Variants in LRCH1 observed in about 807,000 individuals in gnomAD.
LRCH1 encodes the protein leucine-rich repeat and calponin homology domain-containing protein 1.
LRCH1 carries 23 observed loss-of-function variants against 94.9 expected under a neutral mutation model. That is an observed-to-expected ratio of 0.24 (90% CI 0.17 to 0.34). The LOEUF (loss-of-function observed/expected upper bound fraction) is 0.34, where lower values mean the gene tolerates loss of function less well. Among genes scored for constraint, LRCH1 ranks in the 10% least tolerant of loss-of-function variants. The probability of loss-of-function intolerance (pLI) is 1.00; values close to 1 mark genes in which losing one functional copy is unlikely to be tolerated. For synonymous variants in LRCH1, 364 were observed against 354.9 expected, an observed-to-expected ratio of 1.03 and a Z score of -0.29; for missense variants, 790 against 945.9, an observed-to-expected ratio of 0.84 and a Z score of 2.16.
intron 2 of LRCH1, among the ~76,000 whole-genome samples, chr13:46,662,856 A>C (rs902612445): frequency 6.6e-6 from 1 of 152,176 alleles, no homozygotes; most frequent in Non-Finnish European, 1.5e-5. Context: ...TGTTGCAGAA[A>C]TTTGCCTGAA....
intron 3 of LRCH1, among the ~76,000 whole-genome samples, chr13:46,680,612 A>T (rs2051737771): frequency 6.6e-6 from 1 of 152,238 alleles, no homozygotes; most frequent in South Asian, 2.1e-4. Context: ...AAGGAGCATG[A>T]ACAAGTTTGG....
intron 17 of LRCH1, among the ~76,000 whole-genome samples, chr13:46,725,808 T>C (rs1456794344): frequency 6.6e-6 from 1 of 152,206 alleles, no homozygotes; most frequent in Non-Finnish European, 1.5e-5. Context: ...GCCTGGACTA[T>C]CTGGATGTGA....
In LRCH1 at chr13:46,637,826, G is replaced by A. The variant is rs112364847; in HGVS notation, c.308-12375G>A. ...CACTGGAGGGTGAGTTCTAGAGAGC[G>A]GGATTTCCTTGCCAGCGTTCGCTGG... On this transcript the variant is annotated intron_variant, in intron 1 of 19. Transcript: ENST00000389797. Among the ~76,000 whole-genome samples the A allele has an allele frequency of 2.8e-4, 42 of 152,278 alleles. 1 individual carries two copies. Among genetic ancestry groups the A allele is most frequent in the African/African-American group, 9.1e-4 (38 of 41,564 alleles).
chr13:46,727,301 C>G (rs559318761), intron 17 of LRCH1, among the ~76,000 whole-genome samples: 6 of 152,094 alleles, frequency 3.9e-5, no homozygotes, highest in Non-Finnish European at 8.8e-5. Flanking sequence ...TGGAATGAAA[C>G]TAGAAGAGAG....
intron 11 of LRCH1, among the ~76,000 whole-genome samples, chr13:46,701,443 C>G (rs1047125092): frequency 2.6e-5 from 4 of 151,940 alleles, no homozygotes; most frequent in African/African-American, 9.7e-5. Flanking sequence ...GTTCATTCAC[C>G]CCTCATGAAG....
At chr13:46,670,024 G>A (rs554755912) in intron 3 of LRCH1, among the ~76,000 whole-genome samples, 3 of 152,284 alleles carry the variant, frequency 2.0e-5, no homozygotes, top group Admixed American at 6.5e-5. Flanking sequence ...GGGGCCACCC[G>A]GAGCACCACG....
intron 1 of LRCH1, among the ~76,000 whole-genome samples, chr13:46,648,002 T>G (rs1441004824): frequency 6.6e-6 from 1 of 152,174 alleles, no homozygotes; most frequent in Non-Finnish European, 1.5e-5. Context: ...AGCGCATTAC[T>G]TTATTGTACA....
chr13:46,642,380 C>T (rs1258086603), intron 1 of LRCH1, among the ~76,000 whole-genome samples: 1 of 152,170 alleles, frequency 6.6e-6, no homozygotes, highest in South Asian at 2.1e-4. Context: ...TTGGCTCTGC[C>T]ACTTACTAAC....
chr13:46,566,054 G>C (rs1046103705), intron 1 of LRCH1, among the ~76,000 whole-genome samples: 1 of 151,972 alleles, frequency 6.6e-6, no homozygotes, highest in East Asian at 1.9e-4. Flanking sequence ...GGGCCTCAGA[G>C]GAGGGCCTGG....
chr13:46,659,040 T>C (rs2051411763), intron 2 of LRCH1, among the ~76,000 whole-genome samples: 1 of 152,192 alleles, frequency 6.6e-6, no homozygotes, highest in Non-Finnish European at 1.5e-5. Flanking sequence ...TGTAACACAT[T>C]TTGCATCTGC....
At chr13:46,746,726 C>T (rs766324485), downstream of LRCH1, among the ~76,000 whole-genome samples, 2 of 152,146 alleles carry the variant, frequency 1.3e-5, no homozygotes, top group Non-Finnish European at 2.9e-5. Context: ...CTTAGAGGGC[C>T]CTTCTCTTCT....
At chr13:46,564,670 C>T (rs542806489) in intron 1 of LRCH1, among the ~76,000 whole-genome samples, 23 of 152,366 alleles carry the variant, frequency 1.5e-4, no homozygotes, top group African/African-American at 4.8e-4. Context: ...GGAACTTAGA[C>T]ACTTCTCTAT....
downstream of LRCH1, among the ~76,000 whole-genome samples, chr13:46,748,536 G>A (rs964215304): frequency 6.6e-6 from 1 of 152,140 alleles, no homozygotes; most frequent in African/African-American, 2.4e-5. Context: ...TCACAAGCCC[G>A]TGGCAGATGG....
intron 3 of LRCH1, among the ~76,000 whole-genome samples, chr13:46,670,043 C>T (rs2051577105): frequency 6.6e-6 from 1 of 152,212 alleles, no homozygotes; most frequent in African/African-American, 2.4e-5. Context: ...CGGTGCTGGC[C>T]TGTGAGGCCC....
intron 15 of LRCH1, among the ~76,000 whole-genome samples, chr13:46,713,201 CTG>C (rs1244625803): frequency 2.0e-5 from 3 of 152,294 alleles, no homozygotes; most frequent in African/African-American, 2.4e-5. Context: ...AGAAAGTACT[CTG>C]TATAGAAAAA....
At chr13:46,648,053 TAATTA>T (rs2051245428) in intron 1 of LRCH1, among the ~76,000 whole-genome samples, 1 of 152,114 alleles carries the variant, frequency 6.6e-6, no homozygotes, top group Admixed American at 6.6e-5. Flanking sequence ...TATAATGAAA[TAATTA>T]TATAACTCAC....
At chr13:46,616,879 G>A (rs1358125213) in intron 1 of LRCH1, among the ~76,000 whole-genome samples, 1 of 152,212 alleles carries the variant, frequency 6.6e-6, no homozygotes, top group Non-Finnish European at 1.5e-5. Context: ...GCAATGTTTT[G>A]CGGGCAGGAG....
At chr13:46,624,627 G>T (rs992072584) in intron 1 of LRCH1, among the ~76,000 whole-genome samples, 4 of 152,172 alleles carry the variant, frequency 2.6e-5, no homozygotes, top group African/African-American at 7.2e-5. Flanking sequence ...GAGGGTTTTC[G>T]TTATGAAAAT....
intron 13 of LRCH1, among the ~76,000 whole-genome samples, chr13:46,708,566 C>CATTT (rs1871895853): frequency 1.3e-5 from 2 of 152,142 alleles, no homozygotes; most frequent in Admixed American, 1.3e-4. Context: ...GCCACTGCAC[C>CATTT]CAGCCTGATC....
Sources: gnomAD v4.1 joint callset for allele counts (sites outside exome capture counted in the v4.1 genomes callset) on GRCh38, gnomAD v4.1.1 for gene constraint, MANE v1.5 for transcripts, NCBI Gene and HGNC (gene_info 2026-07-23, HGNC 2026-07-21) for gene names.